Variants in BPIFC observed in about 807,000 individuals in gnomAD.
BPIFC encodes BPI fold containing family C.
Under a neutral mutation model 57.6 loss-of-function variants are expected in BPIFC, and 60 were observed. That is an observed-to-expected ratio of 1.04 (90% CI 0.85 to 1.29). The LOEUF (loss-of-function observed/expected upper bound fraction) is 1.29. Among genes scored for constraint, BPIFC ranks in the 50% most tolerant of loss-of-function variants. BPIFC has a pLI of 0.00. For missense variants in BPIFC, 581 were observed against 600.5 expected (o/e 0.97, Z 0.34); for synonymous variants, 243 against 224.5 (o/e 1.08, Z -0.74).
chr22:32,453,424 AAG>A lies in BPIFC; in HGVS notation c.202_203del (p.Leu68Ter). ...TTACATAATCAACTTTTAGAAATTC[AAG>A]AGACTCAGAACCGCTTAAATCTGGG... ...KLPDLSGSES[L>X]EFLKVDYVNY... On this transcript the variant is annotated frameshift_variant, in exon 4 of 17. Coordinates refer to ENST00000300399, the MANE Select transcript of BPIFC (RefSeq NM_174932.3). LOFTEE classifies it high-confidence loss of function. The A allele has an allele frequency of 6.3e-7, 1 of 1,596,496 alleles. No individual in the cohort carries two copies. Among genetic ancestry groups the A allele is most frequent in the Non-Finnish European group, 8.5e-7 (1 of 1,175,510 alleles).
At chr22:32,457,684 G>A (rs1411928005) in intron 2 of BPIFC, among the ~76,000 whole-genome samples, 2 of 152,060 alleles carry the variant, frequency 1.3e-5, no homozygotes, top group East Asian at 1.9e-4. Flanking sequence ...AGGGTGTAGT[G>A]TTGACCTACA....
intron 4 of BPIFC, among the ~76,000 whole-genome samples, chr22:32,451,208 A>AT (rs1934887182): frequency 1.3e-5 from 2 of 152,218 alleles, no homozygotes; most frequent in East Asian, 1.9e-4. Flanking sequence ...TGAACTCATC[A>AT]TTTTTTATGG....
chr22:32,441,108 G>A (rs547602472), intron 8 of BPIFC, among the ~76,000 whole-genome samples: 1 of 152,110 alleles, frequency 6.6e-6, no homozygotes, highest in Non-Finnish European at 1.5e-5. Flanking sequence ...TGCTCCTAGT[G>A]TGTCCTTCTC....
chr22:32,431,297 T>G (rs1934233796), intron 13 of BPIFC, 50 bp downstream of exon 13: 1 of 1,463,430 alleles, frequency 6.8e-7, no homozygotes, highest in South Asian at 1.1e-5. Context: ...TCTGATCAGT[T>G]GACTCACTTA....
chr22:32,442,284 T>C (rs1934585783), intron 8 of BPIFC, among the ~76,000 whole-genome samples: 1 of 152,256 alleles, frequency 6.6e-6, no homozygotes, highest in South Asian at 2.1e-4. Context: ...TAGTCCATGC[T>C]AAGGTGCGAG....
At chr22:32,455,264 T>C (rs1291642332) in intron 3 of BPIFC, among the ~76,000 whole-genome samples, 2 of 152,038 alleles carry the variant, frequency 1.3e-5, no homozygotes, top group Non-Finnish European at 1.5e-5. Flanking sequence ...TTGACCTGGA[T>C]GGTCTCGATC....
At position 32,431,371 on chromosome 22, in the gene BPIFC, A is replaced by T; in HGVS notation, c.1193T>A (p.Leu398Gln). The T allele has an allele frequency of 6.2e-7, 1 of 1,606,038 alleles. No individual in the cohort carries two copies. Among genetic ancestry groups the T allele is most frequent in the Non-Finnish European group, 8.5e-7 (1 of 1,174,554 alleles). ...SVGLVILGQR[L>Q]VCSLSLNRFR... ...CCTGTTCAGAGACAAGGAGCAGACC[A>T]GTCTTTGTCCCAAAATAACCAGGCC... The change falls in exon 13 of 17, where the codon CTG becomes CAG. Residue 398 changes from leucine to glutamine, a missense_variant. Coordinates refer to ENST00000300399, the MANE Select transcript of BPIFC (RefSeq NM_174932.3).
rs527564329 is a variant in BPIFC, at chr22:32,458,032, C to T, written c.1-646G>A. Among the ~76,000 whole-genome samples, 175 of 152,252 alleles carry T rather than the reference C, an allele frequency of 1.1e-3. 1 individual carries two copies. Among genetic ancestry groups the T allele is most frequent in the African/African-American group, 3.8e-3 (158 of 41,556 alleles). ...TTCTCCACACCACAGCCAGAGTGAG[C>T]CTCTTAAAATGAAAGTTAGATCATG... On this transcript the variant is annotated intron_variant, in intron 2 of 16. Transcript: ENST00000300399.
At chr22:32,419,305 A>G in intron 14 of BPIFC, 57 bp downstream of exon 14, 1 of 1,522,028 alleles carries the variant, frequency 6.6e-7, no homozygotes, top group Non-Finnish European at 9.0e-7. Context: ...TATTATATAT[A>G]GTAGGAGAAT....
chr22:32,460,739 C>A (rs921639241), intron 2 of BPIFC, among the ~76,000 whole-genome samples: 3 of 152,166 alleles, frequency 2.0e-5, no homozygotes, highest in Non-Finnish European at 4.4e-5. Flanking sequence ...ATTTCATTTC[C>A]TTTTAACCCT....
At chr22:32,424,606 C>T (rs201294607) in intron 13 of BPIFC, among the ~76,000 whole-genome samples, 1,507 of 40,174 alleles carry the variant, frequency 0.038, 203 homozygotes, top group African/African-American at 0.13. Flanking sequence ...TTCTTCTCCT[C>T]CTCCTCCTCC....
intron 13 of BPIFC, among the ~76,000 whole-genome samples, chr22:32,429,764 C>G (rs1173389276): frequency 1.3e-5 from 2 of 152,014 alleles, no homozygotes; most frequent in Non-Finnish European, 2.9e-5. Flanking sequence ...ATCTACTTGT[C>G]TCGTCCTCCC....
At chr22:32,464,326 T>G in intron 1 of BPIFC, 48 bp downstream of exon 1, 1 of 891,496 alleles carries the variant, frequency 1.1e-6, no homozygotes, top group Non-Finnish European at 1.3e-6. Context: ...CATCTCCAGT[T>G]TGGAGATCAT....
intron 3 of BPIFC, among the ~76,000 whole-genome samples, chr22:32,455,210 C>T (rs1052005645): frequency 5.9e-5 from 9 of 151,900 alleles, no homozygotes; most frequent in African/African-American, 1.9e-4. Flanking sequence ...GCCACAATGC[C>T]CAGTTAATTT....
At chr22:32,415,513 A>C (rs1402068626) in intron 16 of BPIFC, among the ~76,000 whole-genome samples, 2 of 152,110 alleles carry the variant, frequency 1.3e-5, no homozygotes, top group Non-Finnish European at 2.9e-5. Context: ...TGACTGGGAG[A>C]ATCAGAAGAG....
chr22:32,451,493 T>G (rs1160755037), intron 4 of BPIFC, among the ~76,000 whole-genome samples: 1 of 152,062 alleles, frequency 6.6e-6, no homozygotes, highest in Non-Finnish European at 1.5e-5. Flanking sequence ...AATTGAACAT[T>G]GAGAACACTT....
At chr22:32,453,934 A>C (rs1254530072) in intron 3 of BPIFC, among the ~76,000 whole-genome samples, 4 of 128,742 alleles carry the variant, frequency 3.1e-5, no homozygotes, top group African/African-American at 1.0e-4. Context: ...AAACAACAAC[A>C]ACAACAACAA....
chr22:32,424,902 C>T (rs1934022435), intron 13 of BPIFC, among the ~76,000 whole-genome samples: 1 of 151,212 alleles, frequency 6.6e-6, no homozygotes, highest in South Asian at 2.1e-4. Flanking sequence ...CTGCCTCAGC[C>T]TCCAGAGTAG....
At chr22:32,438,217 G>GAAT (rs199665115) in intron 8 of BPIFC, among the ~76,000 whole-genome samples, 17 of 151,644 alleles carry the variant, frequency 1.1e-4, no homozygotes, top group African/African-American at 4.1e-4. Flanking sequence ...ATGTGAATGT[G>GAAT]GTCTCTCTCT....
Sources: allele counts gnomAD v4.1 joint callset (sites outside exome capture counted in the v4.1 genomes callset), GRCh38; gene constraint gnomAD v4.1.1; transcripts MANE v1.5; gene names NCBI Gene and HGNC (gene_info 2026-07-23, HGNC 2026-07-21).